Variants in ZNF618 observed in about 807,000 individuals in gnomAD.
ZNF618 encodes zinc finger protein 618.
A neutral mutation model predicts 103.0 loss-of-function variants in ZNF618; 34 were observed. The observed-to-expected ratio is 0.33, with a 90% confidence interval of 0.25 to 0.44. ZNF618 has a LOEUF of 0.44. Among genes scored for constraint, ZNF618 ranks in the 20% least tolerant of loss-of-function variants. The pLI is 1.00. For missense variants in ZNF618, 1,059 were observed against 1,295.4 expected (o/e 0.82, Z 2.80); for synonymous variants, 551 against 542.2 (o/e 1.02, Z -0.23).
chr9:114,013,250 C>T (rs984791755), intron 9 of ZNF618, among the ~76,000 whole-genome samples: 1 of 152,054 alleles, frequency 6.6e-6, no homozygotes, highest in Non-Finnish European at 1.5e-5. Flanking sequence ...AAGATATACT[C>T]TGATGAACTA....
chr9:114,014,015 C>A (rs1842461903), intron 9 of ZNF618, among the ~76,000 whole-genome samples: 2 of 152,070 alleles, frequency 1.3e-5, no homozygotes, highest in Admixed American at 6.5e-5. Context: ...ATGCTATTTC[C>A]CACTTGACTA....
chr9:113,906,158 G>A lies in ZNF618; in HGVS notation c.33+29745G>A, dbSNP rs141496001. Among the ~76,000 whole-genome samples, 107 of 152,250 alleles carry A rather than the reference G, an allele frequency of 7.0e-4. 2 individuals are homozygous for A. The East Asian group carries it at 0.017, about 24-fold the overall frequency. On this transcript the variant is annotated intron_variant, in intron 1 of 14. Coordinates refer to ENST00000374126, the MANE Select transcript of ZNF618 (RefSeq NM_001318042.2). ...TTTGGAAGATAGCATACCAGAAGAG[G>A]CATTGTGGGGTCATAGACTCTGTGC...
Position 114,049,238 on chromosome 9 carries a change from A to T in ZNF618, c.1936A>T (p.Ser646Cys). The change falls in exon 15 of 15, where the codon AGC becomes TGC. Residue 646 changes from serine (S) to cysteine (C), a missense_variant. By Grantham distance (112) the Ser-to-Cys change is moderately radical. Transcript: ENST00000374126. ...CTGTGCCTTGAACTCGGTGGTGCAG[A>T]GCGTGCTGAGCAAGCGGACACTGCA... is the stretch of plus-strand genomic sequence containing the variant. Reference protein sequence around the residue: ...SACALNSVVQSVLSKRTLQAR... With the variant: ...SACALNSVVQCVLSKRTLQAR... The T allele has an allele frequency of 6.2e-7, 1 of 1,613,094 alleles. No homozygotes were observed. Among genetic ancestry groups the T allele is most frequent in the Non-Finnish European group, 8.5e-7 (1 of 1,179,670 alleles).
intron 1 of ZNF618, among the ~76,000 whole-genome samples, chr9:113,950,902 G>A (rs1231845386): frequency 6.6e-6 from 1 of 151,546 alleles, no homozygotes; most frequent in Non-Finnish European, 1.5e-5. Flanking sequence ...CAGGAACCCT[G>A]GTGTGGCCGG....
chr9:114,048,698 C>A lies in ZNF618; in HGVS notation c.1396C>A (p.Arg466=), dbSNP rs777270184. 1 of 1,613,772 alleles carries A rather than the reference C, an allele frequency of 6.2e-7. No homozygotes were observed. Among genetic ancestry groups the A allele is most frequent in the Non-Finnish European group, 8.5e-7 (1 of 1,179,848 alleles). The part of the protein sequence containing the change: ...TPNSMIPEKE[R]QNIAERLLRV... Reference sequence around the variant, plus strand: ...CAACAGCATGATCCCCGAAAAGGAGCGGCAGAACATCGCAGAGCGGCTGTT... The same window carrying A: ...CAACAGCATGATCCCCGAAAAGGAGAGGCAGAACATCGCAGAGCGGCTGTT... The change falls in exon 15 of 15, where the codon CGG becomes AGG. Residue 466 remains arginine (R), a synonymous_variant. Coordinates refer to ENST00000374126, the MANE Select transcript of ZNF618 (RefSeq NM_001318042.2).
At chr9:114,003,358 T>G (rs139630587) in intron 6 of ZNF618, among the ~76,000 whole-genome samples, 1 of 152,358 alleles carries the variant, frequency 6.6e-6, no homozygotes, top group Non-Finnish European at 1.5e-5. Flanking sequence ...GAAGTCACAG[T>G]TCCACGTGTA....
rs749719497 is a variant in ZNF618, at chr9:114,048,656, A to G, written c.1354A>G (p.Thr452Ala). Residue 452 changes from threonine (T) to alanine (A), a missense_variant, in exon 15 of 15, where the codon ACC (threonine) becomes GCC (alanine). Coordinates refer to ENST00000374126, the MANE Select transcript of ZNF618 (RefSeq NM_001318042.2). ...GTCTTTGTGTCCTCTGCCAGCCACT[A>G]CCAGTGGTTTAACACCCAACAGCAT... ...AQRNSANNTT[T>A]SGLTPNSMIP... 7.5e-6 allele frequency: 12 copies of G among 1,608,938 alleles called. No individual in the cohort carries two copies. The highest frequency in any genetic ancestry group is 1.0e-5 in the Non-Finnish European group (12 of 1,176,374).
intron 1 of ZNF618, among the ~76,000 whole-genome samples, chr9:113,901,142 C>T (rs1229194579): frequency 2.0e-5 from 3 of 152,016 alleles, no homozygotes; most frequent in Admixed American, 6.5e-5. Context: ...CGTCTTCTCC[C>T]GCGAACCCGA....
At position 113,951,538 on chromosome 9, in the gene ZNF618, CAT is replaced by C. The variant is rs1280461751; in HGVS notation, c.34-17576_34-17575del. Among the ~76,000 whole-genome samples, 25 of 54,324 alleles carry C rather than the reference CAT, an allele frequency of 4.6e-4. 1 individual carries two copies. The highest frequency in any genetic ancestry group is 1.5e-3 in the African/African-American group (23 of 15,048). 35.6% of individuals were successfully genotyped at this position (54,324 alleles called of 152,430 possible). On this transcript the variant is annotated intron_variant, in intron 1 of 14. Transcript: ENST00000374126. ...GTGTATATGTACACATATGTGTGTA[CAT>C]ATGTACACATATGTGTGTGTATATG...
intron 1 of ZNF618, among the ~76,000 whole-genome samples, chr9:113,951,431 G>GTGTGTATA (rs1312734469): frequency 1.4e-4 from 2 of 14,260 alleles, no homozygotes; most frequent in Non-Finnish European, 2.9e-4. Context: ...ATGTGTGTGT[G>GTGTGTATA]TATATATATA....
intron 10 of ZNF618, among the ~76,000 whole-genome samples, chr9:114,019,235 G>C (rs1434190542): frequency 6.6e-6 from 1 of 152,144 alleles, no homozygotes; most frequent in Non-Finnish European, 1.5e-5. Flanking sequence ...AATACCGTTT[G>C]TTAGCCATTT....
intron 2 of ZNF618, among the ~76,000 whole-genome samples, chr9:113,972,932 G>A (rs1838117162): frequency 1.3e-5 from 2 of 152,150 alleles, no homozygotes; most frequent in African/African-American, 4.8e-5. Flanking sequence ...AGCCAGGTAT[G>A]GTGGCACACA....
At chr9:113,993,111 G>A (rs1456918859) in intron 3 of ZNF618, among the ~76,000 whole-genome samples, 1 of 152,178 alleles carries the variant, frequency 6.6e-6, no homozygotes, top group African/African-American at 2.4e-5. Flanking sequence ...CATCTGACAG[G>A]CTGCAGGAAC....
intron 13 of ZNF618, among the ~76,000 whole-genome samples, chr9:114,041,321 T>C (rs1182159397): frequency 6.6e-6 from 1 of 152,234 alleles, no homozygotes; most frequent in Non-Finnish European, 1.5e-5. Context: ...GTGCAGAAGC[T>C]CTTTAGTTTA....
At chr9:113,897,911 G>A (rs1830181634) in intron 1 of ZNF618, among the ~76,000 whole-genome samples, 1 of 152,088 alleles carries the variant, frequency 6.6e-6, no homozygotes, top group East Asian at 1.9e-4. Context: ...CTCCTGATTA[G>A]CCTCCCGAGT....
chr9:114,003,599 C>T (rs1386429995), intron 6 of ZNF618, among the ~76,000 whole-genome samples: 1 of 152,168 alleles, frequency 6.6e-6, no homozygotes, highest in African/African-American at 2.4e-5. Flanking sequence ...AGAGGCCAGG[C>T]GTAAACAGAG....
chr9:113,926,858 C>T (rs1375577579), intron 1 of ZNF618, among the ~76,000 whole-genome samples: 1 of 152,094 alleles, frequency 6.6e-6, no homozygotes, highest in East Asian at 1.9e-4. Flanking sequence ...ACAAAAAATA[C>T]AAAAATTAGC....
At chr9:114,016,209 GT>G in intron 9 of ZNF618, 1 of 1,593,610 alleles carries the variant, frequency 6.3e-7, no homozygotes, top group African/African-American at 1.3e-5. Flanking sequence ...AGAGGAAGAA[GT>G]GACCCCTGCT....
chr9:113,965,008 A>G (rs1260514105), intron 1 of ZNF618, among the ~76,000 whole-genome samples: 1 of 150,830 alleles, frequency 6.6e-6, no homozygotes, highest in Non-Finnish European at 1.5e-5. Flanking sequence ...GAAAAAAAAA[A>G]AAATGTAATC....
Sources: allele counts gnomAD v4.1 joint callset (sites outside exome capture counted in the v4.1 genomes callset), GRCh38; gene constraint gnomAD v4.1.1; transcripts MANE v1.5; gene names NCBI Gene and HGNC (gene_info 2026-07-23, HGNC 2026-07-21).